Variants in DCC observed in about 807,000 individuals in gnomAD.
DCC encodes DCC netrin 1 receptor.
DCC carries 58 observed loss-of-function variants against 172.5 expected under a neutral mutation model. The ratio of observed to expected loss-of-function variants is 0.34; its 90% CI spans 0.27 to 0.42. The LOEUF (loss-of-function observed/expected upper bound fraction) is 0.42, where lower values mean the gene tolerates loss of function less well. DCC is among the 10% of genes least tolerant of loss of function. The probability of loss-of-function intolerance (pLI) is 1.00; values close to 1 mark genes in which losing one functional copy is unlikely to be tolerated. For missense variants in DCC, 1,740 were observed against 1,791.0 expected (o/e 0.97, Z 0.51); for synonymous variants, 709 against 644.5 (o/e 1.10, Z -1.52).
intron 13 of DCC, among the ~76,000 whole-genome samples, chr18:53,312,927 GAGGGAAGGGAAAGGGAGGGGAGGGA>G (rs1402188747): frequency 3.8e-5 from 3 of 79,030 alleles, no homozygotes; most frequent in South Asian, 4.1e-4. Flanking sequence ...GAGGGGAGGG[GAGGGAAGGGAAAGGGAGGGGAGGGA>G]AGGGAGGAGG....
At chr18:52,987,345 A>T (rs2041312547) in intron 5 of DCC, among the ~76,000 whole-genome samples, 1 of 152,144 alleles carries the variant, frequency 6.6e-6, no homozygotes, top group Admixed American at 6.5e-5. Context: ...CACAGATAAG[A>T]CAAAATGCCA....
At chr18:53,036,379 G>C (rs1263448635) in intron 5 of DCC, among the ~76,000 whole-genome samples, 2 of 151,930 alleles carry the variant, frequency 1.3e-5, no homozygotes, top group Admixed American at 6.6e-5. Flanking sequence ...TAGGTGAATA[G>C]AGAAAACTGC....
chr18:52,398,061 C>T (rs927997535), intron 1 of DCC, among the ~76,000 whole-genome samples: 1 of 151,918 alleles, frequency 6.6e-6, no homozygotes, highest in African/African-American at 2.4e-5. Context: ...AGCAGTAGCA[C>T]CAATTGCTAT....
At chr18:53,505,466 G>A (rs1161539738) in intron 27 of DCC, 1 of 152,182 alleles carries the variant, frequency 6.6e-6, no homozygotes, top group African/African-American at 2.4e-5. Context: ...GTATTTTTCA[G>A]AATTGCAAAA....
At chr18:53,153,549 ACT>A (rs1468362481) in intron 7 of DCC, among the ~76,000 whole-genome samples, 3 of 151,712 alleles carry the variant, frequency 2.0e-5, no homozygotes, top group Non-Finnish European at 4.4e-5. Context: ...ATTTTTTCAG[ACT>A]CTGTTTTAAT....
At chr18:53,138,081 G>A in intron 7 of DCC, among the ~76,000 whole-genome samples, 1 of 152,028 alleles carries the variant, frequency 6.6e-6, no homozygotes, top group South Asian at 2.1e-4. Flanking sequence ...GTCCACCTCA[G>A]CCTCCCAAAG....
chr18:52,903,357 A>C (rs1009198923), intron 2 of DCC, among the ~76,000 whole-genome samples: 5 of 152,070 alleles, frequency 3.3e-5, no homozygotes, highest in African/African-American at 1.2e-4. Flanking sequence ...GGTGTGTGCC[A>C]CCACACCTGG....
chr18:52,817,803 A>ATATGTGTGTG (rs375371359), intron 2 of DCC, among the ~76,000 whole-genome samples: 1 of 151,428 alleles, frequency 6.6e-6, no homozygotes, highest in African/African-American at 2.4e-5. Context: ...ATATATATAT[A>ATATGTGTGTG]TGTGTGTGTG....
chr18:53,480,665 C>T (rs2045820828), intron 25 of DCC, among the ~76,000 whole-genome samples: 1 of 151,984 alleles, frequency 6.6e-6, no homozygotes, highest in African/African-American at 2.4e-5. Flanking sequence ...ACTTCTGACC[C>T]TGTACTCTGT....
At chr18:53,387,829 GTC>G (rs1321739385) in intron 16 of DCC, among the ~76,000 whole-genome samples, 4 of 152,164 alleles carry the variant, frequency 2.6e-5, no homozygotes. Flanking sequence ...ACTACAGTCG[GTC>G]TTTTCAAGCT....
intron 21 of DCC, among the ~76,000 whole-genome samples, chr18:53,434,709 C>T (rs1911829072): frequency 6.6e-6 from 1 of 152,124 alleles, no homozygotes; most frequent in African/African-American, 2.4e-5. Flanking sequence ...ATGAAATGTG[C>T]TGGCCCCTTG....
chr18:52,741,876 G>T (rs938130218), intron 1 of DCC, among the ~76,000 whole-genome samples: 1 of 152,106 alleles, frequency 6.6e-6, no homozygotes, highest in African/African-American at 2.4e-5. Flanking sequence ...GCATCCCCCA[G>T]AATTCATGTA....
rs143647540 is a variant in DCC at position 52,504,478 on chromosome 18, T to G, written c.91+163600T>G. Among the ~76,000 whole-genome samples, 37 of 152,242 alleles carry G rather than the reference T, an allele frequency of 2.4e-4. 1 individual carries two copies. The East Asian group carries it at 6.6e-3, about 27-fold the overall frequency. ...TGAAAGCTCGCAGCTCACAAAAGAC[T>G]GAACAAGCTAGGGCCTCCTTAGACT... On this transcript the variant is annotated intron_variant, in intron 1 of 28. Transcript: ENST00000442544.
At chr18:52,706,185 A>G (rs906095430) in intron 1 of DCC, among the ~76,000 whole-genome samples, 1 of 151,844 alleles carries the variant, frequency 6.6e-6, no homozygotes, top group East Asian at 2.0e-4. Context: ...CAAAGTGGAT[A>G]ATTCTATTAA....
intron 7 of DCC, among the ~76,000 whole-genome samples, chr18:53,072,157 C>A (rs190871116): frequency 3.9e-5 from 6 of 152,074 alleles, no homozygotes; most frequent in Non-Finnish European, 7.4e-5. Context: ...TCAATGTGTT[C>A]TGTGTTACAA....
chr18:52,569,279 G>A (rs754744021), intron 1 of DCC, among the ~76,000 whole-genome samples: 1 of 152,150 alleles, frequency 6.6e-6, no homozygotes, highest in Non-Finnish European at 1.5e-5. Context: ...CGCTTGCTAG[G>A]TGTATAGATT....
At chr18:53,431,476 TG>T (rs202085470) in intron 21 of DCC, among the ~76,000 whole-genome samples, 54 of 133,644 alleles carry the variant, frequency 4.0e-4, no homozygotes, top group African/African-American at 7.6e-4. Context: ...TGTTTTTTGT[TG>T]TTGTTGTTGT....
At chr18:53,343,692 T>C (rs1231583327) in intron 15 of DCC, among the ~76,000 whole-genome samples, 1 of 152,004 alleles carries the variant, frequency 6.6e-6, no homozygotes, top group East Asian at 1.9e-4. Flanking sequence ...GGATAGTATT[T>C]ACTCCCCTTC....
At chr18:52,770,247 A>T (rs1043550188) in intron 2 of DCC, among the ~76,000 whole-genome samples, 1 of 151,812 alleles carries the variant, frequency 6.6e-6, no homozygotes, top group African/African-American at 2.4e-5. Flanking sequence ...TTCCTTGAGC[A>T]TGTCTCACTT....
Sources: allele counts gnomAD v4.1 joint callset (sites outside exome capture counted in the v4.1 genomes callset), GRCh38; gene constraint gnomAD v4.1.1; transcripts MANE v1.5; gene names NCBI Gene and HGNC (gene_info 2026-07-23, HGNC 2026-07-21).